Variants in MYOF observed in about 807,000 individuals in gnomAD.
MYOF encodes myoferlin.
A neutral mutation model predicts 284.2 loss-of-function variants in MYOF; 244 were observed. The observed-to-expected ratio is 0.86, with a 90% CI of 0.77 to 0.95. MYOF has a LOEUF of 0.95. MYOF is among the 40% of genes least tolerant of loss of function. The probability of loss-of-function intolerance (pLI) is 0.00; values close to 1 mark genes in which losing one functional copy is unlikely to be tolerated. For missense variants in MYOF, 2,496 were observed against 2,560.6 expected (o/e 0.97, Z 0.54); for synonymous variants, 904 against 919.7 (o/e 0.98, Z 0.31).
At chr10:93,312,974 T>C (rs369547526) in intron 51 of MYOF, 46 bp downstream of exon 51, 7 of 1,548,612 alleles carry the variant, frequency 4.5e-6, no homozygotes, top group Non-Finnish European at 6.1e-6. Flanking sequence ...ACCTAAATGA[T>C]AAAAGGCATA....
intron 46 of MYOF, 76 bp from the exon 47 acceptor site, chr10:93,323,434 C>CTT (rs1278776439): frequency 2.4e-6 from 3 of 1,248,512 alleles, no homozygotes; most frequent in Non-Finnish European, 3.3e-6. Flanking sequence ...TTTCATATTT[C>CTT]TTAGATGAAA....
rs115716424 is a variant in MYOF, at chr10:93,397,063, G to A, written c.1334+184C>T. The A allele has an allele frequency of 2.3e-3, 1,116 of 488,680 alleles. 10 individuals are homozygous for A. Among genetic ancestry groups the A allele is most frequent in the African/African-American group, 0.02 (1,014 of 50,108 alleles). 30.3% of individuals were successfully genotyped at this position (488,680 alleles called of 1,614,324 possible). ...TATGAGCAGTTGAACCGAAATAATC[G>A]AAGCTTTTTTTGCAGTAACACTATT... On this transcript the variant is annotated intron_variant, in intron 15 of 53. Transcript: ENST00000359263.
chr10:93,319,755 G>T, intron 49 of MYOF, 117 bp downstream of exon 49: 2 of 1,400,432 alleles, frequency 1.4e-6, no homozygotes, highest in Non-Finnish European at 9.8e-7. Flanking sequence ...CATCTCTGCT[G>T]AGAAGGAGCC....
chr10:93,318,829 G>A lies in MYOF; in HGVS notation c.5598+1043C>T, dbSNP rs375644447. Among the ~76,000 whole-genome samples, 10 of 152,290 alleles carry A rather than the reference G, an allele frequency of 6.6e-5. No homozygotes were observed. The East Asian group carries it at 7.7e-4, about 12-fold the overall frequency. On this transcript the variant is annotated intron_variant, in intron 49 of 53. Transcript: ENST00000359263. ...GGCCAGCAGAGGGTAGGCCTAATGC[G>A]ACACAGGGCTGGTGGCTGGTACATT...
chr10:93,399,305 A>G, intron 13 of MYOF, 87 bp downstream of exon 13: 1 of 1,035,926 alleles, frequency 9.7e-7, no homozygotes, highest in African/African-American at 1.6e-5. Flanking sequence ...ATTTTAACAA[A>G]GAGTAAGCAG....
chr10:93,417,665 A>G (rs1290972772), intron 5 of MYOF, among the ~76,000 whole-genome samples: 1 of 152,024 alleles, frequency 6.6e-6, no homozygotes, highest in African/African-American at 2.4e-5. Flanking sequence ...GCTGCAGGTC[A>G]TTGTCCCCCC....
intron 3 of MYOF, among the ~76,000 whole-genome samples, chr10:93,433,817 T>C (rs1297214751): frequency 2.6e-5 from 4 of 152,222 alleles, no homozygotes; most frequent in Non-Finnish European, 4.4e-5. Flanking sequence ...TTGGAAGTGA[T>C]AGATGTTAGC....
At chr10:93,350,040 C>G in intron 35 of MYOF, 71 bp from the exon 36 acceptor site, 1 of 1,448,224 alleles carries the variant, frequency 6.9e-7, no homozygotes, top group Non-Finnish European at 9.4e-7. Flanking sequence ...AGGAAAAATT[C>G]TGTCTTAATT....
chr10:93,394,560 A>G (rs1470967788), intron 16 of MYOF, among the ~76,000 whole-genome samples: 1 of 138,718 alleles, frequency 7.2e-6, no homozygotes, highest in Non-Finnish European at 1.5e-5. Context: ...TCCCTGGCTC[A>G]CGCCATTCTC....
At chr10:93,324,758 C>T (rs115147968) in intron 46 of MYOF, among the ~76,000 whole-genome samples, 2,084 of 152,174 alleles carry the variant, frequency 0.014, 44 homozygotes, top group African/African-American at 0.048. Context: ...ACAATATTTG[C>T]ATCCATTAGA....
At chr10:93,466,106 C>T (rs2134366364) in intron 1 of MYOF, among the ~76,000 whole-genome samples, 1 of 152,212 alleles carries the variant, frequency 6.6e-6, no homozygotes, top group Non-Finnish European at 1.5e-5. Flanking sequence ...CTGAGAAGGG[C>T]TGGCAGAAAC....
At position 93,359,868 on chromosome 10, in the gene MYOF, T is replaced by C; in HGVS notation, c.3085A>G (p.Lys1029Glu). The change falls in exon 29 of 54, where the codon AAA becomes GAA. Residue 1029 changes from lysine (K) to glutamate (E), a missense_variant. Transcript: ENST00000359263. ...CTTGAAGCAGTCTGTGTTAAATCTTTCTTGCGTTTTCGGACCAGCCTTCGC... is the reference window on the plus strand; with the variant it reads ...CTTGAAGCAGTCTGTGTTAAATCTTCCTTGCGTTTTCGGACCAGCCTTCGC... ...RRRRLVRKRKKDLTQTASSTA... is the reference protein window; with the variant it reads ...RRRRLVRKRKEDLTQTASSTA... 1 of 1,614,214 alleles carries C rather than the reference T, an allele frequency of 6.2e-7. No individual in the cohort carries two copies. Among genetic ancestry groups the C allele is most frequent in the Non-Finnish European group, 8.5e-7 (1 of 1,180,022 alleles).
At chr10:93,431,054 G>GTTTTTTTTTTTTTTTTT (rs1848838949) in intron 4 of MYOF, among the ~76,000 whole-genome samples, 1 of 123,954 alleles carries the variant, frequency 8.1e-6, no homozygotes, top group African/African-American at 2.9e-5. Context: ...TTGAGATGGA[G>GTTTTTTTTTTTTTTTTT]TTTCTCTCTT....
At chr10:93,403,020 C>T (rs12260518) in intron 9 of MYOF, 130 bp from the exon 10 acceptor site, 37,011 of 749,536 alleles carry the variant, frequency 0.049, 1,208 homozygotes, top group African/African-American at 0.13. Flanking sequence ...CCAACATTTC[C>T]GTCTTATCCT....
intron 7 of MYOF, among the ~76,000 whole-genome samples, chr10:93,408,080 C>T (rs1003914912): frequency 6.6e-6 from 1 of 152,054 alleles, no homozygotes; most frequent in African/African-American, 2.4e-5. Context: ...CACTATATTG[C>T]CCAGGCTGGT....
At position 93,322,014 on chromosome 10, in the gene MYOF, A is replaced by G. The variant is rs770289299; in HGVS notation, c.5456+1064T>C. Among the ~76,000 whole-genome samples, 13 of 147,846 alleles carry G rather than the reference A, an allele frequency of 8.8e-5. 1 individual carries two copies. Among genetic ancestry groups the G allele is most frequent in the South Asian group, 2.2e-4 (1 of 4,620 alleles). ...TTTCCCTGATTTGAAAAAAAAAAAA[A>G]TAATGCTTATGATAGTCAAATAAAT... On this transcript the variant is annotated intron_variant, in intron 48 of 53. Coordinates refer to ENST00000359263, the MANE Select transcript of MYOF (RefSeq NM_013451.4).
chr10:93,366,941 T>G (rs1196614556), intron 25 of MYOF, among the ~76,000 whole-genome samples: 1 of 152,182 alleles, frequency 6.6e-6, no homozygotes, highest in Non-Finnish European at 1.5e-5. Flanking sequence ...CCTATGAAAG[T>G]CCTCAGCTTA....
chr10:93,391,865 C>T (rs720183), intron 17 of MYOF, among the ~76,000 whole-genome samples: 26,055 of 152,176 alleles, frequency 0.17, 2,485 homozygotes, highest in African/African-American at 0.25. Flanking sequence ...TGGATTCCTA[C>T]AAATAATTAC....
At chr10:93,349,776 G>A (rs369483150) in intron 36 of MYOF, 32 bp downstream of exon 36, 31 of 1,610,430 alleles carry the variant, frequency 1.9e-5, no homozygotes, top group East Asian at 1.8e-4. Context: ...ATTTCAACGC[G>A]CATGGGTGAT....
Sources: allele counts gnomAD v4.1 joint callset (sites outside exome capture counted in the v4.1 genomes callset), GRCh38; gene constraint gnomAD v4.1.1; transcripts MANE v1.5; gene names NCBI Gene and HGNC (gene_info 2026-07-23, HGNC 2026-07-21).